Variants in FHIT observed in about 807,000 individuals in gnomAD.
FHIT encodes bis(5'-adenosyl)-triphosphatase.
In FHIT, 19 loss-of-function variants were observed where a neutral mutation model predicts 17.9. The ratio of observed to expected loss-of-function variants is 1.06; its 90% CI spans 0.74 to 1.56. The LOEUF is 1.56. FHIT is among the 40% of genes most tolerant of loss of function. FHIT has a pLI of 0.00. For synonymous variants in FHIT, 81 were observed against 69.7 expected (o/e 1.16, Z -0.81); for missense variants, 248 against 189.2 (o/e 1.31, Z -1.82).
Position 61,140,597 on chromosome 3 carries a change from G to A in FHIT, c.-164+60020C>T, listed in dbSNP as rs530673474. The stretch of plus-strand genomic sequence containing the variant: ...CATACAGTCAAAGCACCAAATGAAT[G>A]CAAGAATGCCTGGATACACCCTGAA... On this transcript the variant is annotated intron_variant, in intron 2 of 9. Coordinates refer to ENST00000492590, the MANE Select transcript of FHIT (RefSeq NM_002012.4). 2.2e-4 allele frequency among the ~76,000 whole-genome samples: 33 copies of A among 152,202 alleles called. 1 individual carries two copies. The highest frequency in any genetic ancestry group is 2.0e-3 in the Admixed American group (31 of 15,278).
intron 1 of FHIT, among the ~76,000 whole-genome samples, chr3:61,250,523 T>C (rs1400195001): frequency 2.6e-5 from 4 of 152,182 alleles, no homozygotes; most frequent in South Asian, 4.1e-4. Flanking sequence ...CCTGGGAGCA[T>C]TGAGCTCCTT....
chr3:60,450,988 A>G (rs902669728), intron 5 of FHIT, among the ~76,000 whole-genome samples: 1 of 152,152 alleles, frequency 6.6e-6, no homozygotes, highest in Non-Finnish European at 1.5e-5. Context: ...AATAGTTTAG[A>G]GTTAGAATAG....
chr3:61,132,854 G>GA (rs753376239), intron 2 of FHIT, among the ~76,000 whole-genome samples: 9 of 151,016 alleles, frequency 6.0e-5, no homozygotes, highest in East Asian at 5.8e-4. Context: ...AGAAGTAAAA[G>GA]AAAAAAAAAT....
intron 4 of FHIT, among the ~76,000 whole-genome samples, chr3:60,585,412 T>C (rs1314277209): frequency 6.6e-6 from 1 of 152,062 alleles, no homozygotes; most frequent in East Asian, 1.9e-4. Context: ...GTAGTGGTAG[T>C]CACCCTTAAG....
chr3:59,949,532 A>G lies in FHIT; in HGVS notation c.280-27118T>C, dbSNP rs143654499. Reference sequence around the variant, plus strand: ...CCATGGATACGCAGGCTTGGGATAGATATGTATCCTAAGCATTTAATACTT... The same window carrying G: ...CCATGGATACGCAGGCTTGGGATAGGTATGTATCCTAAGCATTTAATACTT... On this transcript the variant is annotated intron_variant, in intron 7 of 9. Transcript: ENST00000492590. Among the ~76,000 whole-genome samples, 15 of 152,364 alleles carry G rather than the reference A, an allele frequency of 9.8e-5. No individual in the cohort carries two copies. In the East Asian group the frequency reaches 2.9e-3, roughly 29 times the overall value.
At chr3:61,060,717 T>A (rs993757807) in intron 2 of FHIT, among the ~76,000 whole-genome samples, 1 of 152,268 alleles carries the variant, frequency 6.6e-6, no homozygotes, top group Admixed American at 6.5e-5. Context: ...CAGTATTACA[T>A]GAACCTGCTC....
At chr3:60,365,186 C>T (rs532141839) in intron 5 of FHIT, among the ~76,000 whole-genome samples, 10 of 149,516 alleles carry the variant, frequency 6.7e-5, no homozygotes, top group African/African-American at 2.4e-4. Context: ...ATATATAATA[C>T]TAAGACCACT....
intron 4 of FHIT, among the ~76,000 whole-genome samples, chr3:60,566,102 T>A (rs889314194): frequency 6.6e-6 from 1 of 152,168 alleles, no homozygotes. Flanking sequence ...GAATTCTAGT[T>A]TGATTGCCCT....
chr3:60,418,280 A>G (rs1476007810), intron 5 of FHIT, among the ~76,000 whole-genome samples: 1 of 150,638 alleles, frequency 6.6e-6, no homozygotes, highest in Admixed American at 6.6e-5. Flanking sequence ...TTTTAAAAAT[A>G]TGTATTAACA....
intron 3 of FHIT, among the ~76,000 whole-genome samples, chr3:60,863,194 T>C (rs1703999263): frequency 6.6e-6 from 1 of 152,158 alleles, no homozygotes; most frequent in Non-Finnish European, 1.5e-5. Context: ...GAAAGAGGCC[T>C]GAGGGAGCTA....
At chr3:60,031,102 A>C (rs1330925441) in intron 5 of FHIT, among the ~76,000 whole-genome samples, 1 of 152,214 alleles carries the variant, frequency 6.6e-6, no homozygotes, top group Non-Finnish European at 1.5e-5. Context: ...AACAGCTTGG[A>C]AATTTTTGTA....
rs575458476 is a variant in FHIT at position 60,458,860 on chromosome 3, G to A, written c.103+78000C>T. Among the ~76,000 whole-genome samples the A allele has an allele frequency of 1.3e-5, 2 of 152,080 alleles. 1 individual carries two copies. Among genetic ancestry groups the A allele is most frequent in the South Asian group, 4.1e-4 (2 of 4,824 alleles). On this transcript the variant is annotated intron_variant, in intron 5 of 9. Transcript: ENST00000492590. ...ACAAATCACGGCTCACTGCAGCCTTGAACTCCTAGGCTCAAGGGATCCTCC... is the reference window on the plus strand; with the variant it reads ...ACAAATCACGGCTCACTGCAGCCTTAAACTCCTAGGCTCAAGGGATCCTCC...
At chr3:60,660,729 C>CTTTTTGTTTTTTTTTTTTTTTTTTT (rs2040222572) in intron 4 of FHIT, among the ~76,000 whole-genome samples, 1 of 37,278 alleles carries the variant, frequency 2.7e-5, no homozygotes. Context: ...TTATTGTGCT[C>CTTTTTGTTTTTTTTTTTTTTTTTTT]TTTTTTTTTT....
chr3:60,534,439 C>CAAAAAAAAAAAAAAAAAAAAA (rs563992117), intron 5 of FHIT, among the ~76,000 whole-genome samples: 6 of 32,406 alleles, frequency 1.9e-4, no homozygotes, highest in Non-Finnish European at 2.1e-4. Context: ...GACTCCGTCT[C>CAAAAAAAAAAAAAAAAAAAAA]AAAAAAAAAA....
At chr3:59,930,256 G>A (rs778234569) in intron 7 of FHIT, among the ~76,000 whole-genome samples, 43 of 152,152 alleles carry the variant, frequency 2.8e-4, no homozygotes, top group Non-Finnish European at 5.1e-4. Context: ...TCAGATGCAA[G>A]TCAGGCTAGG....
At chr3:60,800,845 T>C (rs1241055084) in intron 4 of FHIT, among the ~76,000 whole-genome samples, 1 of 152,154 alleles carries the variant, frequency 6.6e-6, no homozygotes, top group African/African-American at 2.4e-5. Flanking sequence ...TGGACTGCCC[T>C]TGACCAGGCA....
At chr3:61,112,574 T>G (rs1236504637) in intron 2 of FHIT, among the ~76,000 whole-genome samples, 1 of 152,214 alleles carries the variant, frequency 6.6e-6, no homozygotes, top group Non-Finnish European at 1.5e-5. Flanking sequence ...TGAGTCATTA[T>G]GATCATCAGC....
rs559563116 is a variant in FHIT at position 61,066,211 on chromosome 3, T to A, written c.-163-24112A>T. On this transcript the variant is annotated intron_variant, in intron 2 of 9. Transcript: ENST00000492590. ...TCACGGGGGTAGATCCCCCATGCCC[T>A]AATCACCTCTTAAACAACCCACTTC... Among the ~76,000 whole-genome samples the A allele has an allele frequency of 2.3e-4, 35 of 152,328 alleles. 1 individual carries two copies. In the East Asian group the frequency reaches 4.4e-3, roughly 19 times the overall value.
chr3:60,162,462 G>A (rs191582912), intron 5 of FHIT, among the ~76,000 whole-genome samples: 7 of 152,212 alleles, frequency 4.6e-5, no homozygotes, highest in South Asian at 2.1e-4. Context: ...CAATGAGATC[G>A]TGCAGTCCAG....
Sources: allele counts gnomAD v4.1 joint callset (sites outside exome capture counted in the v4.1 genomes callset), GRCh38; gene constraint gnomAD v4.1.1; transcripts MANE v1.5; gene names NCBI Gene and HGNC (gene_info 2026-07-23, HGNC 2026-07-21).